FOCAD: variants seen among roughly 807,000 people sequenced by gnomAD.
FOCAD encodes the protein focadhesin, also known as KIAA1797.
In FOCAD, 198 loss-of-function variants were observed where a neutral mutation model predicts 225.6. That is an observed-to-expected ratio of 0.88 (90% CI 0.78 to 0.99). FOCAD has a LOEUF of 0.99. FOCAD is among the 50% of genes least tolerant of loss of function. The probability of loss-of-function intolerance (pLI) is 0.00; values close to 1 mark genes in which losing one functional copy is unlikely to be tolerated. For synonymous variants in FOCAD, 897 were observed against 755.0 expected (o/e 1.19, Z -3.08); for missense variants, 2,713 against 2,123.6 (o/e 1.28, Z -5.46).
chr9:20,852,612 T>C (rs943889328), intron 15 of FOCAD, among the ~76,000 whole-genome samples: 2 of 151,850 alleles, frequency 1.3e-5, no homozygotes, highest in Non-Finnish European at 2.9e-5. Flanking sequence ...GAGGTATTCC[T>C]AAAAACTTTA....
At chr9:20,774,776 A>G (rs1403658723) in intron 8 of FOCAD, among the ~76,000 whole-genome samples, 2 of 152,152 alleles carry the variant, frequency 1.3e-5, no homozygotes, top group African/African-American at 4.8e-5. Flanking sequence ...AGAAGAATGA[A>G]AAGATTTTTG....
upstream of FOCAD, among the ~76,000 whole-genome samples, chr9:20,656,883 T>C (rs960045735): frequency 1.6e-4 from 24 of 152,096 alleles, no homozygotes; most frequent in Non-Finnish European, 3.2e-4. Flanking sequence ...TGATGGTCTT[T>C]ATATTTTGGC....
In FOCAD at chr9:20,986,724, A is replaced by C. The variant is rs549448884; in HGVS notation, c.4906+259A>C. ...TCTGTAGACCCTCACAGTTACAAACAAGTTAGCTGCTTCTGCCTGTTTAAC... is the reference window on the plus strand; with the variant it reads ...TCTGTAGACCCTCACAGTTACAAACCAGTTAGCTGCTTCTGCCTGTTTAAC... On this transcript the variant is annotated intron_variant, in intron 40 of 43. Coordinates refer to ENST00000338382, the MANE Select transcript of FOCAD (RefSeq NM_001375567.1). Among the ~76,000 whole-genome samples, 5 of 152,314 alleles carry C rather than the reference A, an allele frequency of 3.3e-5. No individual in the cohort carries two copies. In the East Asian group the frequency reaches 9.6e-4, roughly 29 times the overall value.
At chr9:20,706,595 G>T (rs773160542) in intron 1 of FOCAD, among the ~76,000 whole-genome samples, 3 of 152,178 alleles carry the variant, frequency 2.0e-5, no homozygotes, top group Non-Finnish European at 4.4e-5. Flanking sequence ...AGAAACCTCT[G>T]TTCTCACTTG....
At chr9:20,763,330 C>G (rs1829779503) in intron 6 of FOCAD, among the ~76,000 whole-genome samples, 1 of 152,108 alleles carries the variant, frequency 6.6e-6, no homozygotes, top group African/African-American at 2.4e-5. Context: ...ATAATAACAG[C>G]TTGTAATCTC....
At chr9:20,884,310 A>G (rs1163463751) in intron 20 of FOCAD, among the ~76,000 whole-genome samples, 5 of 152,146 alleles carry the variant, frequency 3.3e-5, no homozygotes, top group African/African-American at 9.7e-5. Context: ...TATTACGTTT[A>G]TATTTTGAGA....
At chr9:20,975,764 T>C (rs1411477677) in intron 35 of FOCAD, among the ~76,000 whole-genome samples, 1 of 152,164 alleles carries the variant, frequency 6.6e-6, no homozygotes, top group African/African-American at 2.4e-5. Context: ...GGAGAACTCA[T>C]GTTAAGTGAA....
At chr9:20,763,357 G>A (rs570400586) in intron 6 of FOCAD, among the ~76,000 whole-genome samples, 2 of 152,318 alleles carry the variant, frequency 1.3e-5, no homozygotes, top group South Asian at 2.1e-4. Context: ...TTGGGAGACT[G>A]AGGCAGGAGG....
At chr9:20,949,414 C>T (rs1017736299) in intron 32 of FOCAD, among the ~76,000 whole-genome samples, 190 bp from the exon 33 acceptor site, 5 of 152,026 alleles carry the variant, frequency 3.3e-5, no homozygotes, top group African/African-American at 1.2e-4. Flanking sequence ...GAACAGGTAC[C>T]AGGAAATCAA....
intron 5 of FOCAD, among the ~76,000 whole-genome samples, chr9:20,750,933 A>G (rs984893292): frequency 6.6e-6 from 1 of 152,116 alleles, no homozygotes; most frequent in African/African-American, 2.4e-5. Context: ...TCTTAAGGTT[A>G]GGGTTTTAAT....
chr9:20,927,997 A>T (rs1442486479), intron 26 of FOCAD: 1 of 151,902 alleles, frequency 6.6e-6, no homozygotes, highest in African/African-American at 2.4e-5. Context: ...AAATTGGAAG[A>T]TAAATTTTGC....
intron 23 of FOCAD, among the ~76,000 whole-genome samples, chr9:20,916,542 A>G (rs1201287031): frequency 1.3e-5 from 2 of 152,206 alleles, no homozygotes; most frequent in Non-Finnish European, 2.9e-5. Context: ...TCAAATGTGA[A>G]TTTGGTGGGG....
chr9:20,830,686 T>C (rs938986910), intron 15 of FOCAD, among the ~76,000 whole-genome samples: 10 of 152,112 alleles, frequency 6.6e-5, no homozygotes, highest in African/African-American at 1.4e-4. Flanking sequence ...TTCTCTCTTA[T>C]TTGTTTATCG....
At chr9:20,897,839 C>A (rs1318218012) in intron 21 of FOCAD, among the ~76,000 whole-genome samples, 2 of 151,752 alleles carry the variant, frequency 1.3e-5, no homozygotes, top group African/African-American at 4.8e-5. Context: ...CTGATGCCTT[C>A]CTTTCTTTAT....
intron 15 of FOCAD, among the ~76,000 whole-genome samples, chr9:20,844,991 TG>T (rs112590846): frequency 0.016 from 2,464 of 152,172 alleles, 74 homozygotes; most frequent in African/African-American, 0.056. Context: ...TGAGCTACTT[TG>T]GGGGCATAAT....
chr9:20,870,902 G>A (rs966144099), intron 18 of FOCAD, among the ~76,000 whole-genome samples: 1 of 152,090 alleles, frequency 6.6e-6, no homozygotes, highest in Non-Finnish European at 1.5e-5. Flanking sequence ...TTTGAAGCAA[G>A]TTTTAAAAGT....
intron 14 of FOCAD, among the ~76,000 whole-genome samples, chr9:20,822,443 G>A (rs939260633): frequency 6.6e-6 from 1 of 152,042 alleles, no homozygotes; most frequent in African/African-American, 2.4e-5. Context: ...AGAGGAAGGG[G>A]AGGAGGATGA....
intron 11 of FOCAD, among the ~76,000 whole-genome samples, chr9:20,803,623 C>T (rs925690706): frequency 6.6e-6 from 1 of 152,042 alleles, no homozygotes; most frequent in Non-Finnish European, 1.5e-5. Flanking sequence ...GAGGAGTGTA[C>T]AGGACTCTAT....
chr9:20,677,912 C>A (rs1346559161), intron 2 of FOCAD, among the ~76,000 whole-genome samples: 1 of 152,068 alleles, frequency 6.6e-6, no homozygotes, highest in Admixed American at 6.5e-5. Flanking sequence ...TCACAGTAGT[C>A]AAGATATGGA....
Sources: gnomAD v4.1 joint callset for allele counts (sites outside exome capture counted in the v4.1 genomes callset) on GRCh38, gnomAD v4.1.1 for gene constraint, MANE v1.5 for transcripts, NCBI Gene and HGNC (gene_info 2026-07-23, HGNC 2026-07-21) for gene names.